PGAP2: variants seen among roughly 807,000 people sequenced by gnomAD.
PGAP2 encodes post-GPI attachment to proteins 2.
In PGAP2, 21 loss-of-function variants were observed where a neutral mutation model predicts 33.2. That is an observed-to-expected ratio of 0.63 (90% CI 0.45 to 0.91). The LOEUF (loss-of-function observed/expected upper bound fraction) is 0.91, where lower values mean the gene tolerates loss of function less well. Ranked by LOEUF, PGAP2 falls within the 40% of genes least tolerant of loss-of-function variation. The pLI is 0.00. For synonymous variants in PGAP2, 161 were observed against 172.9 expected, an observed-to-expected ratio of 0.93 and a Z score of 0.54; for missense variants, 345 against 424.0, an observed-to-expected ratio of 0.81 and a Z score of 1.64.
At chr11:3,807,314 T>G (rs1590176769), upstream of PGAP2, among the ~76,000 whole-genome samples, 2 of 146,436 alleles carry the variant, frequency 1.4e-5, no homozygotes, top group South Asian at 4.3e-4. Flanking sequence ...CACAGGTTTT[T>G]TTTTTTTTTT....
At chr11:3,806,111 G>A (rs549577574), upstream of PGAP2, among the ~76,000 whole-genome samples, 28 of 152,226 alleles carry the variant, frequency 1.8e-4, no homozygotes, top group South Asian at 1.2e-3. Flanking sequence ...CTAAATTAGA[G>A]CACCTCAAGG....
chr11:3,805,259 C>CTT (rs1171517604), upstream of PGAP2, among the ~76,000 whole-genome samples: 517 of 123,186 alleles, frequency 4.2e-3, 2 homozygotes, highest in African/African-American at 0.012. Context: ...TGTGGATATT[C>CTT]TTTTTTTTTT....
chr11:3,811,462 G>A lies in PGAP2; in HGVS notation c.165+38G>A, dbSNP rs755673166. On this transcript the variant is annotated intron_variant, in intron 2 of 6. Transcript: ENST00000278243. The surrounding 1 kb of genome is among the most constrained non-coding windows in gnomAD (Gnocchi z 4.6). ...GACACTGATACCTCATATTCAGGCCGATCTGGATCTTCTTTAGATCTTGAA... is the reference window on the plus strand; with the variant it reads ...GACACTGATACCTCATATTCAGGCCAATCTGGATCTTCTTTAGATCTTGAA... 19 of 1,563,556 alleles carry A rather than the reference G, an allele frequency of 1.2e-5. No individual in the cohort carries two copies. In the East Asian group the frequency reaches 2.5e-4, roughly 21 times the overall value.
At position 3,811,422 on chromosome 11, in the gene PGAP2, G is replaced by C; in HGVS notation, c.163G>C (p.Gly55Arg). Residue 55 changes from glycine to arginine, a missense_variant and splice_region_variant, in exon 2 of 7, where the codon GGG becomes CGG. By Grantham distance (125) the Gly-to-Arg change is moderately radical (BLOSUM62 -2). Transcript: ENST00000278243. The surrounding 1 kb of genome is among the most constrained non-coding windows in gnomAD (Gnocchi z 4.6). The stretch of plus-strand genomic sequence containing the variant: ...CAAGGAGACAACGGCCACACACTGT[G>C]GGGTAGGGCATGGGGACACTGATAC... ...HFKETTATHC[G>R]ATPCRMFSAA... 1.2e-6 allele frequency: 2 copies of C among 1,613,592 alleles called. No homozygotes were observed. The highest frequency in any genetic ancestry group is 2.2e-5 in the East Asian group (1 of 44,880).
chr11:3,813,073 C>T (rs1413620171), intron 2 of PGAP2, among the ~76,000 whole-genome samples: 2 of 152,202 alleles, frequency 1.3e-5, no homozygotes, highest in African/African-American at 4.8e-5. Context: ...CCCTATCCTC[C>T]TTGGGGCTAA....
At chr11:3,814,926 CTTTCCT>C (rs1325044278) in intron 2 of PGAP2, among the ~76,000 whole-genome samples, 3 of 141,698 alleles carry the variant, frequency 2.1e-5, no homozygotes, top group South Asian at 2.2e-4. Flanking sequence ...TTCCCTTTCC[CTTTCCT>C]TTCCTTTCTT....
At chr11:3,799,767 G>A (rs1488165434) in intron 1 of PGAP2, among the ~76,000 whole-genome samples, 2 of 152,132 alleles carry the variant, frequency 1.3e-5, no homozygotes, top group Non-Finnish European at 2.9e-5. Flanking sequence ...CCAGGAGTTC[G>A]AGACCAGCTC....
rs185026098 is a variant in PGAP2 at position 3,800,550 on chromosome 11, G to A, written c.139+2568G>A. On this transcript the variant is annotated intron_variant, in intron 1 of 6. Coordinates refer to the PGAP2 transcript ENST00000300730. ...ATTTGGGCCAGGCGGGATGGCTCAC[G>A]CCTGTAATCCCAGCACTTTGGGAGG... Among the ~76,000 whole-genome samples, 634 of 152,080 alleles carry A rather than the reference G, an allele frequency of 4.2e-3. 3 individuals carry two copies. Among genetic ancestry groups the A allele is most frequent in the African/African-American group, 0.014 (597 of 41,488 alleles).
Position 3,825,499 on chromosome 11 carries a change from G to T in PGAP2, c.*41G>T. 6.3e-7 allele frequency: 1 copy of T among 1,594,990 alleles called. No homozygotes were observed. The highest frequency in any genetic ancestry group is 8.5e-7 in the Non-Finnish European group (1 of 1,170,608). On this transcript the variant is annotated 3_prime_UTR_variant, in exon 7 of 7. Transcript: ENST00000278243. Reference sequence around the variant, plus strand: ...TTGGGAGGACGCAGCCCACTGCCCAGAAACAAGAAACACGATACCATTCTG... The same window carrying T: ...TTGGGAGGACGCAGCCCACTGCCCATAAACAAGAAACACGATACCATTCTG...
intron 3 of PGAP2, among the ~76,000 whole-genome samples, chr11:3,822,091 G>A (rs929606648): frequency 5.3e-5 from 8 of 151,970 alleles, no homozygotes; most frequent in East Asian, 2.0e-4. Flanking sequence ...ACGGCCGGGC[G>A]CAGTGGCTCA....
At position 3,808,582 on chromosome 11, in the gene PGAP2, A is replaced by C; in HGVS notation, c.-80A>C. 1 of 1,362,702 alleles carries C rather than the reference A, an allele frequency of 7.3e-7. No homozygotes were observed. The highest frequency in any genetic ancestry group is 1.6e-5 in the South Asian group (1 of 60,688). The allele number at this position is 1,362,702 out of a possible 1,614,324, so 84.4% of individuals were successfully genotyped here. On this transcript the variant is annotated 5_prime_UTR_variant, in exon 1 of 7. Transcript: ENST00000278243. ...GCCGTTCGCGCTCTGACCAGCCCGCAGAGCCAGCCCCCGACCCCGGGCCAC... is the reference window on the plus strand; with the variant it reads ...GCCGTTCGCGCTCTGACCAGCCCGCCGAGCCAGCCCCCGACCCCGGGCCAC...
At chr11:3,814,812 CTCTTTCTTTCTTTT>C (rs2086576335) in intron 2 of PGAP2, among the ~76,000 whole-genome samples, 2 of 97,416 alleles carry the variant, frequency 2.1e-5, no homozygotes, top group African/African-American at 3.7e-5. Context: ...TTCTTTCTTT[CTCTTTCTTTCTTTT>C]TTTCTTTTTT....
chr11:3,807,443 G>A (rs1168192866), upstream of PGAP2, among the ~76,000 whole-genome samples: 1 of 150,098 alleles, frequency 6.7e-6, no homozygotes, highest in Non-Finnish European at 1.5e-5. Context: ...AAGTAGCTGG[G>A]ATTACGGGCG....
intron 1 of PGAP2, among the ~76,000 whole-genome samples, chr11:3,810,168 A>G (rs2085253989): frequency 6.6e-6 from 1 of 152,132 alleles, no homozygotes; most frequent in African/African-American, 2.4e-5. Flanking sequence ...TTACAATGGG[A>G]ATAGGGCTAA....
At position 3,808,647 on chromosome 11, in the gene PGAP2, C is replaced by T. The variant is rs1384750263; in HGVS notation, c.-15C>T. 3 of 1,264,658 alleles carry T rather than the reference C, an allele frequency of 2.4e-6. No homozygotes were observed. The highest frequency in any genetic ancestry group is 7.7e-5 in the Admixed American group (2 of 25,970). The allele number at this position is 1,264,658 out of a possible 1,614,324, so 78.3% of individuals were successfully genotyped here. A position where few individuals can be genotyped will look rare whatever the true frequency, so the allele number is the denominator to read the frequency against. On this transcript the variant is annotated 5_prime_UTR_variant, in exon 1 of 7. Coordinates refer to ENST00000278243, the MANE Select transcript of PGAP2 (RefSeq NM_014489.4). Reference sequence around the variant, plus strand: ...TCCGCCGGCACTCTCGCCACCACCGCGTGGGTGAGTATGGGCATGGATGTG... The same window carrying T: ...TCCGCCGGCACTCTCGCCACCACCGTGTGGGTGAGTATGGGCATGGATGTG...
chr11:3,818,754 C>T (rs1328513619), intron 3 of PGAP2, among the ~76,000 whole-genome samples: 1 of 152,186 alleles, frequency 6.6e-6, no homozygotes, highest in East Asian at 1.9e-4. Context: ...CCCTTAACAT[C>T]TCAATGTTAC....
At chr11:3,819,940 G>C (rs565122206) in intron 3 of PGAP2, among the ~76,000 whole-genome samples, 1 of 152,214 alleles carries the variant, frequency 6.6e-6, no homozygotes, top group East Asian at 1.9e-4. Flanking sequence ...CATGAAGACA[G>C]GACCAGCAGC....
At chr11:3,799,267 G>A (rs2083105343) in intron 1 of PGAP2, among the ~76,000 whole-genome samples, 1 of 152,186 alleles carries the variant, frequency 6.6e-6, no homozygotes, top group African/African-American at 2.4e-5. Flanking sequence ...GGCCGGGCTG[G>A]TGGCTCATGC....
At chr11:3,797,810 A>G (rs1267115947), upstream of PGAP2, 3 of 1,545,936 alleles carry the variant, frequency 1.9e-6, no homozygotes, top group South Asian at 3.6e-5. Context: ...GCGTGTCGTG[A>G]CGTCACACAG....
Sources: allele counts gnomAD v4.1 joint callset (sites outside exome capture counted in the v4.1 genomes callset), GRCh38; gene constraint gnomAD v4.1.1; non-coding constraint Gnocchi (gnomAD v3.1); transcripts MANE v1.5; gene names NCBI Gene and HGNC (gene_info 2026-07-23, HGNC 2026-07-21).